The following ERI2 variants were observed in gnomAD, a reference collection of about 807,000 sequenced individuals.
ERI2 encodes ERI1 exoribonuclease family member 2.
In ERI2, 35 loss-of-function variants were observed where a neutral mutation model predicts 46.8. The ratio of observed to expected loss-of-function variants is 0.75; its 90% CI spans 0.57 to 0.99. ERI2 has a LOEUF of 0.99. Among genes scored for constraint, ERI2 ranks in the 50% least tolerant of loss-of-function variants. The pLI is 0.00. For synonymous variants in ERI2, 224 were observed against 271.0 expected (o/e 0.83, Z 1.70); for missense variants, 695 against 796.2 (o/e 0.87, Z 1.53).
chr16:20,790,872 C>T lies in ERI2; in HGVS notation c.793G>A (p.Ala265Thr). The change falls in exon 9 of 11, where the codon GCT becomes ACT. Residue 265 changes from alanine to threonine, a missense_variant. By Grantham distance (58) the Ala-to-Thr change is moderately conservative. Coordinates refer to the ERI2 transcript ENST00000300005. The surrounding 1 kb of genome is among the most constrained non-coding windows in gnomAD (Gnocchi z 4.0). Reference sequence around the variant, plus strand: ...TACCCAAATTCTTGCTGAAGAAAAGCATGCTGGTCCCCTGAGGCCAGATCA... The same window carrying T: ...TACCCAAATTCTTGCTGAAGAAAAGTATGCTGGTCCCCTGAGGCCAGATCA... The T allele has an allele frequency of 6.2e-7, 1 of 1,614,066 alleles. No homozygotes were observed. The highest frequency in any genetic ancestry group is 1.1e-5 in the South Asian group (1 of 91,078).
chr16:20,805,307 C>A (rs1300120449), intron 1 of ERI2, among the ~76,000 whole-genome samples: 1 of 151,942 alleles, frequency 6.6e-6, no homozygotes, highest in Non-Finnish European at 1.5e-5. Context: ...TGCCTGTAAT[C>A]CCAGCTACTT....
At position 20,802,832 on chromosome 16, in the gene ERI2, AAG is replaced by A; in HGVS notation, c.265_266del (p.Leu89PhefsTer16). 1 of 1,610,958 alleles carries A rather than the reference AAG, an allele frequency of 6.2e-7. No homozygotes were observed. ...AYVQPQEHPI[L>X]SEFCMELTGI... ...CTGTCAATTCCATGCAAAATTCTGA[AAG>A]AATTGGATGTTCCTGAGGTTGAACA... On this transcript the variant is annotated frameshift_variant, in exon 4 of 9. Transcript: ENST00000357967. LOFTEE classifies it high-confidence loss of function.
chr16:20,790,443 T>TGA lies in ERI2; in HGVS notation c.815+405_815+406dup. 1 of 718,746 alleles carries TGA rather than the reference T, an allele frequency of 1.4e-6. No individual in the cohort carries two copies. Among genetic ancestry groups the TGA allele is most frequent in the Non-Finnish European group, 2.3e-6 (1 of 427,028 alleles). 44.5% of individuals were successfully genotyped at this position (718,746 alleles called of 1,614,324 possible). On this transcript the variant is annotated intron_variant, in intron 9 of 10. Transcript: ENST00000300005. The surrounding 1 kb of genome is among the most constrained non-coding windows in gnomAD (Gnocchi z 4.0). ...CTGCACTCCAGCCTGGGTGACAAAGTGAGACCTTGTCTCACACACACAAAA... is the reference window on the plus strand; with the variant it reads ...CTGCACTCCAGCCTGGGTGACAAAGTGAGAGACCTTGTCTCACACACACAAAA...
intron 1 of ERI2, 88 bp from the exon 2 acceptor site, chr16:20,803,758 C>T (rs1479497213): frequency 1.4e-6 from 2 of 1,456,848 alleles, no homozygotes; most frequent in African/African-American, 2.8e-5. Flanking sequence ...TACTGGGCAA[C>T]AATCTCATTA....
At chr16:20,781,803 A>ACTACT (rs759079778) in intron 10 of ERI2, 1 of 1,572,914 alleles carries the variant, frequency 6.4e-7, no homozygotes, top group Non-Finnish European at 8.8e-7. Context: ...AAATGTTAGT[A>ACTACT]AATAGGCATC....
At chr16:20,801,496 G>A (rs2080795219) in intron 4 of ERI2, 137 bp from the exon 5 acceptor site, 1 of 912,614 alleles carries the variant, frequency 1.1e-6, no homozygotes, top group Non-Finnish European at 1.5e-6. Flanking sequence ...TGTACTGTGG[G>A]AAGACATAAC....
rs372717135 is a variant in ERI2, at chr16:20,800,055, G to T, written c.562-17C>A. On this transcript the variant is annotated splice_polypyrimidine_tract_variant and intron_variant, in intron 6 of 8. Coordinates refer to ENST00000357967, the MANE Select transcript of ERI2 (RefSeq NM_001142725.2). ...ATAGAAAAGCTAACCAATAAAAAAA[G>T]ATATATTTAAAAGAAGATTACTATT... The T allele has an allele frequency of 1.4e-6, 2 of 1,461,124 alleles. No individual in the cohort carries two copies. The highest frequency in any genetic ancestry group is 1.9e-6 in the Non-Finnish European group (2 of 1,056,456). The allele number at this position is 1,461,124 out of a possible 1,614,324, so 90.5% of individuals were successfully genotyped here.
rs947140023 is a variant in ERI2, at chr16:20,796,836, T to A, written c.*888A>T. The stretch of plus-strand genomic sequence containing the variant: ...TCAAACTGCTATATAATTGGCTTTA[T>A]GTAAAGATAAAAATTTCCAGGCTAA... On this transcript the variant is annotated 3_prime_UTR_variant, in exon 9 of 9. Coordinates refer to ENST00000357967, the MANE Select transcript of ERI2 (RefSeq NM_001142725.2). 2 of 1,605,706 alleles carry A rather than the reference T, an allele frequency of 1.2e-6. No individual in the cohort carries two copies. The highest frequency in any genetic ancestry group is 8.5e-7 in the Non-Finnish European group (1 of 1,177,808).
At chr16:20,781,824 A>AG (rs2080360089) in intron 10 of ERI2, 2 of 1,440,364 alleles carry the variant, frequency 1.4e-6, no homozygotes, top group Non-Finnish European at 2.0e-6. Flanking sequence ...TAGTGGGGAG[A>AG]GGGGAGAAGA....
Position 20,796,552 on chromosome 16 carries a change from T to A in ERI2, c.*1172A>T. On this transcript the variant is annotated 3_prime_UTR_variant, in exon 9 of 9. Transcript: ENST00000357967. ...TGTGGACAATTTCAAGTGTTTATTT[T>A]TACATTTTAATGAATATTTTCTTCA... The A allele has an allele frequency of 3.8e-6, 6 of 1,592,370 alleles. No homozygotes were observed. The highest frequency in any genetic ancestry group is 5.1e-6 in the Non-Finnish European group (6 of 1,174,936).
Position 20,797,158 on chromosome 16 carries a change from C to T in ERI2, c.*566G>A. ...ATAAAATATTTGGCAAATTCCTCCA[C>T]ATTAGTGTCAATGTTCCTATCATTT... On this transcript the variant is annotated 3_prime_UTR_variant, in exon 9 of 9. Transcript: ENST00000357967. The T allele has an allele frequency of 7.5e-7, 1 of 1,341,804 alleles. No homozygotes were observed. Among genetic ancestry groups the T allele is most frequent in the Non-Finnish European group, 9.5e-7 (1 of 1,049,368 alleles). 83.1% of individuals were successfully genotyped at this position (1,341,804 alleles called of 1,614,324 possible).
Position 20,803,674 on chromosome 16 carries a change from A to C in ERI2, c.24-4T>G, listed in dbSNP as rs760539476. On this transcript the variant is annotated splice_polypyrimidine_tract_variant and splice_region_variant and intron_variant, in intron 1 of 8. Coordinates refer to ENST00000357967, the MANE Select transcript of ERI2 (RefSeq NM_001142725.2). ...TCTCCTAATTAATCCAAGCTGCCTA[A>C]AAATGTGAAGCAATCCAAATATGAT... is the stretch of plus-strand genomic sequence containing the variant. The C allele has an allele frequency of 1.2e-6, 2 of 1,613,616 alleles. No homozygotes were observed. Among genetic ancestry groups the C allele is most frequent in the Non-Finnish European group, 1.7e-6 (2 of 1,179,780 alleles).
At chr16:20,800,088 C>T (rs2080780434) in intron 6 of ERI2, 50 bp from the exon 7 acceptor site, 1 of 1,176,158 alleles carries the variant, frequency 8.5e-7, no homozygotes, top group Non-Finnish European at 1.2e-6. Context: ...ATTTTAAAGA[C>T]TATGTATTAA....
At chr16:20,782,731 G>C (rs1029310822) in intron 10 of ERI2, among the ~76,000 whole-genome samples, 1 of 152,184 alleles carries the variant, frequency 6.6e-6, no homozygotes, top group Non-Finnish European at 1.5e-5. Flanking sequence ...ACAAATCAGA[G>C]GTTCCCATGA....
chr16:20,781,583 AG>A, intron 10 of ERI2: 1 of 784,128 alleles, frequency 1.3e-6, no homozygotes. Context: ...TGATTCTACA[AG>A]AAAAGGTAAG....
chr16:20,786,148 T>C lies in ERI2; in HGVS notation c.894+3331A>G, dbSNP rs1369730581. The C allele has an allele frequency of 4.3e-6, 7 of 1,610,338 alleles. No individual in the cohort carries two copies. The highest frequency in any genetic ancestry group is 1.7e-5 in the Admixed American group (1 of 59,332). On this transcript the variant is annotated intron_variant, in intron 10 of 10. Transcript: ENST00000300005. ...TCAATGGGAAAACCTTCTCCTGCTT[T>C]CGATGTTAAGGTTTGCACATCCCCT...
In ERI2 at chr16:20,789,405, A is replaced by T. The variant is rs959277959; in HGVS notation, c.894+74T>A. The T allele has an allele frequency of 3.7e-6, 4 of 1,075,310 alleles. No homozygotes were observed. In the African/African-American group the frequency reaches 6.3e-5, roughly 17 times the overall value. The allele number at this position is 1,075,310 out of a possible 1,614,324, so 66.6% of individuals were successfully genotyped here. A position where few individuals can be genotyped will look rare whatever the true frequency, so the allele number is the denominator to read the frequency against. Reference sequence around the variant, plus strand: ...ATGTATTAAGTACTTAATAAATGCTAGCTACTGGTAGACACTTCAGGGAAT... The same window carrying T: ...ATGTATTAAGTACTTAATAAATGCTTGCTACTGGTAGACACTTCAGGGAAT... On this transcript the variant is annotated intron_variant, in intron 10 of 10. Coordinates refer to the ERI2 transcript ENST00000300005.
downstream of ERI2, chr16:20,792,553 C>G (rs950775864): frequency 1.0e-6 from 1 of 985,396 alleles, no homozygotes; most frequent in Non-Finnish European, 1.2e-6. Flanking sequence ...GCTGAAAATA[C>G]GTACTAGAAA....
chr16:20,790,785 GACCC>G lies in ERI2; in HGVS notation c.815+61_815+64del. 5.0e-6 allele frequency: 8 copies of G among 1,613,222 alleles called. No individual in the cohort carries two copies. In the South Asian group the frequency reaches 8.8e-5, roughly 18 times the overall value. The stretch of plus-strand genomic sequence containing the variant: ...CAAAACATACCTAGGATAGGTACTT[GACCC>G]TTTCTTGAGAGATTGGTTGTCCTGA... On this transcript the variant is annotated intron_variant, in intron 9 of 10. Coordinates refer to the ERI2 transcript ENST00000300005. The surrounding 1 kb of genome is among the most constrained non-coding windows in gnomAD (Gnocchi z 4.0).
Sources: gnomAD v4.1 joint callset for allele counts (sites outside exome capture counted in the v4.1 genomes callset) on GRCh38, gnomAD v4.1.1 for gene constraint, Gnocchi (gnomAD v3.1) non-coding constraint, MANE v1.5 for transcripts, NCBI Gene and HGNC (gene_info 2026-07-23, HGNC 2026-07-21) for gene names.